NLGN1: variants seen among roughly 807,000 people sequenced by gnomAD.
NLGN1 encodes the protein neuroligin-1.
Under a neutral mutation model 65.5 loss-of-function variants are expected in NLGN1, and 12 were observed. The observed-to-expected ratio is 0.18, with a 90% confidence interval of 0.12 to 0.30. The LOEUF is 0.30. Ranked by LOEUF, NLGN1 falls within the 10% of genes least tolerant of loss-of-function variation. The pLI, the probability that NLGN1 is intolerant of heterozygous loss-of-function variation, is 1.00. For synonymous variants in NLGN1, 350 were observed against 359.5 expected, an observed-to-expected ratio of 0.97 and a Z score of 0.30; for missense variants, 750 against 1,007.1, an observed-to-expected ratio of 0.74 and a Z score of 3.46.
intron 4 of NLGN1, among the ~76,000 whole-genome samples, chr3:174,212,768 A>T (rs1736929956): frequency 6.6e-6 from 1 of 152,260 alleles, no homozygotes; most frequent in Admixed American, 6.5e-5. Flanking sequence ...TGGTTCCATT[A>T]GATTAAAATG....
intron 4 of NLGN1, among the ~76,000 whole-genome samples, chr3:174,195,386 A>C (rs990615762): frequency 6.6e-6 from 1 of 152,248 alleles, no homozygotes; most frequent in Non-Finnish European, 1.5e-5. Flanking sequence ...TGTATTAATA[A>C]AATTTACATT....
At chr3:173,421,856 T>G (rs980043547) in intron 1 of NLGN1, among the ~76,000 whole-genome samples, 1 of 152,126 alleles carries the variant, frequency 6.6e-6, no homozygotes, top group Non-Finnish European at 1.5e-5. Flanking sequence ...AGTTGCTATG[T>G]CTCGTTAGGC....
At chr3:173,410,609 A>ACT (rs1361422049) in intron 1 of NLGN1, among the ~76,000 whole-genome samples, 2 of 151,958 alleles carry the variant, frequency 1.3e-5, no homozygotes, top group African/African-American at 2.4e-5. Context: ...AAATTCAAGA[A>ACT]CTCTATCAGC....
intron 4 of NLGN1, among the ~76,000 whole-genome samples, chr3:173,971,804 G>A (rs1251806672): frequency 6.6e-6 from 1 of 152,024 alleles, no homozygotes; most frequent in Non-Finnish European, 1.5e-5. Context: ...ATGTGTCAGG[G>A]CCAAGGATAT....
chr3:173,480,151 C>G (rs1199200886), intron 2 of NLGN1, among the ~76,000 whole-genome samples: 1 of 151,392 alleles, frequency 6.6e-6, no homozygotes, highest in East Asian at 2.0e-4. Flanking sequence ...TTCTCTGGTC[C>G]TCTTTTTTTC....
intron 4 of NLGN1, among the ~76,000 whole-genome samples, chr3:173,857,598 A>T (rs1578823395): frequency 6.6e-6 from 1 of 152,060 alleles, no homozygotes; most frequent in South Asian, 2.1e-4. Context: ...AAAAAAAATC[A>T]CAGAAAGTCA....
intron 4 of NLGN1, among the ~76,000 whole-genome samples, chr3:173,994,553 G>C (rs1180462696): frequency 7.4e-6 from 1 of 135,362 alleles, no homozygotes; most frequent in Non-Finnish European, 1.5e-5. Context: ...TTAAAATTTA[G>C]TTCTTTGTCT....
chr3:174,199,558 T>G (rs895621614), intron 4 of NLGN1, among the ~76,000 whole-genome samples: 1 of 151,840 alleles, frequency 6.6e-6, no homozygotes, highest in Non-Finnish European at 1.5e-5. Flanking sequence ...TTCAAGAGGA[T>G]CCTCTCAATG....
intron 4 of NLGN1, among the ~76,000 whole-genome samples, chr3:174,200,625 A>G (rs766768981): frequency 1.3e-5 from 2 of 152,198 alleles, no homozygotes; most frequent in Non-Finnish European, 2.9e-5. Context: ...GATTTCATAG[A>G]AAGTGCTATA....
intron 3 of NLGN1, among the ~76,000 whole-genome samples, chr3:173,683,306 G>T (rs1051136343): frequency 1.3e-5 from 2 of 151,854 alleles, no homozygotes; most frequent in Non-Finnish European, 2.9e-5. Context: ...TTCCCCCCAT[G>T]GCATAAATAC....
chr3:174,080,019 C>G (rs373880341), intron 4 of NLGN1, among the ~76,000 whole-genome samples: 1 of 151,860 alleles, frequency 6.6e-6, no homozygotes, highest in Admixed American at 6.6e-5. Flanking sequence ...AACCTGCACA[C>G]GTACCCCTGA....
At chr3:174,235,888 A>T (rs780305694) in intron 4 of NLGN1, among the ~76,000 whole-genome samples, 1 of 151,264 alleles carries the variant, frequency 6.6e-6, no homozygotes, top group Non-Finnish European at 1.5e-5. Context: ...CACAACTCCA[A>T]TTCCCCTCAC....
intron 3 of NLGN1, among the ~76,000 whole-genome samples, chr3:173,784,045 C>T (rs1781584618): frequency 6.6e-6 from 1 of 152,070 alleles, no homozygotes. Context: ...AAAATTTTAG[C>T]ACTAATAAAT....
intron 3 of NLGN1, among the ~76,000 whole-genome samples, chr3:173,660,093 A>G (rs1044705451): frequency 1.1e-5 from 1 of 88,084 alleles, no homozygotes; most frequent in African/African-American, 4.7e-5. Flanking sequence ...TAGTAAAATG[A>G]GTGGTTATTC....
intron 3 of NLGN1, among the ~76,000 whole-genome samples, chr3:173,668,753 A>G (rs1217360690): frequency 6.6e-6 from 1 of 151,284 alleles, no homozygotes; most frequent in Non-Finnish European, 1.5e-5. Context: ...CCTCCTGAGT[A>G]GCTGGGATTA....
intron 3 of NLGN1, among the ~76,000 whole-genome samples, chr3:173,761,528 T>C (rs1646880967): frequency 6.6e-6 from 1 of 152,048 alleles, no homozygotes; most frequent in East Asian, 1.9e-4. Flanking sequence ...ATTAGCATGA[T>C]ATATAGAGCA....
chr3:174,166,872 G>C (rs565457949), intron 4 of NLGN1, among the ~76,000 whole-genome samples: 1 of 152,126 alleles, frequency 6.6e-6, no homozygotes, highest in Admixed American at 6.6e-5. Context: ...CTATGGTTGG[G>C]TGTGTAGATA....
intron 3 of NLGN1, among the ~76,000 whole-genome samples, chr3:173,678,187 C>T (rs1365349352): frequency 6.6e-6 from 1 of 152,074 alleles, no homozygotes; most frequent in Non-Finnish European, 1.5e-5. Flanking sequence ...TTCTCACAGT[C>T]TCTAATATAG....
At chr3:173,495,825 A>C (rs909294258) in intron 2 of NLGN1, among the ~76,000 whole-genome samples, 5 of 151,582 alleles carry the variant, frequency 3.3e-5, no homozygotes, top group African/African-American at 9.8e-5. Flanking sequence ...TCTTCACCCT[A>C]TCCCAGTCTC....
Sources: gnomAD v4.1 joint callset for allele counts (sites outside exome capture counted in the v4.1 genomes callset) on GRCh38, gnomAD v4.1.1 for gene constraint, MANE v1.5 for transcripts, NCBI Gene and HGNC (gene_info 2026-07-23, HGNC 2026-07-21) for gene names.